The following TAS1R2 variants were observed in gnomAD, a reference collection of about 807,000 sequenced individuals.
The protein encoded by TAS1R2 is taste 1 receptor member 2, also known as taste receptor type 1 member 2.
TAS1R2 carries 47 observed loss-of-function variants against 49.3 expected under a neutral mutation model. The ratio of observed to expected loss-of-function variants is 0.95; its 90% CI spans 0.75 to 1.22. The LOEUF (loss-of-function observed/expected upper bound fraction) is 1.22. Ranked by LOEUF, TAS1R2 falls within the 50% of genes most tolerant of loss-of-function variation. The probability of loss-of-function intolerance (pLI) is 0.00; values close to 1 mark genes in which losing one functional copy is unlikely to be tolerated. For missense variants in TAS1R2, 1,155 were observed against 1,122.1 expected (o/e 1.03, Z -0.42); for synonymous variants, 479 against 467.9 (o/e 1.02, Z -0.31).
chr1:18,856,896 A>G (rs1288437049), intron 2 of TAS1R2, among the ~76,000 whole-genome samples: 1 of 152,256 alleles, frequency 6.6e-6, no homozygotes, highest in Non-Finnish European at 1.5e-5. Flanking sequence ...GCAGCTGTAC[A>G]GAATAATACT....
At chr1:18,855,069 T>C in intron 2 of TAS1R2, 83 bp from the exon 3 acceptor site, 3 of 1,529,654 alleles carry the variant, frequency 2.0e-6, no homozygotes, top group Non-Finnish European at 2.7e-6. Flanking sequence ...ACCATCATCA[T>C]CTGGGAAGCA....
At chr1:18,839,800 G>A (rs12033832) in exon 6 of TAS1R2, 532,845 of 1,613,942 alleles carry the variant, frequency 0.33, 90,178 homozygotes, top group East Asian at 0.46. Context: ...AGAGGGAGAC[G>A]GATGAGGTGA....
chr1:18,846,612 T>C (rs1031233811), intron 4 of TAS1R2, among the ~76,000 whole-genome samples: 1 of 152,128 alleles, frequency 6.6e-6, no homozygotes, highest in Non-Finnish European at 1.5e-5. Context: ...CATTAAGAAA[T>C]AGGGTCACTG....
At chr1:18,857,715 C>T in intron 1 of TAS1R2, 84 bp from the exon 2 acceptor site, 1 of 1,470,884 alleles carries the variant, frequency 6.8e-7, no homozygotes, top group Non-Finnish European at 9.1e-7. Flanking sequence ...CTCCTCCTTC[C>T]TGCCACAGGA....
At chr1:18,841,738 G>T (rs750694082) in exon 5 of TAS1R2, 2 of 1,613,632 alleles carry the variant, frequency 1.2e-6, no homozygotes, top group South Asian at 1.1e-5. Flanking sequence ...CCTTCAGTGT[G>T]GTTGAGGAAG....
At chr1:18,841,249 C>T (rs987751856) in intron 5 of TAS1R2, among the ~76,000 whole-genome samples, 1 of 152,194 alleles carries the variant, frequency 6.6e-6, no homozygotes, top group Non-Finnish European at 1.5e-5. Flanking sequence ...TTCTTCTCAT[C>T]AAGGAAGTCA....
At chr1:18,848,051 A>G (rs772973592) in intron 4 of TAS1R2, among the ~76,000 whole-genome samples, 10 of 152,168 alleles carry the variant, frequency 6.6e-5, no homozygotes, top group Admixed American at 6.5e-5. Context: ...CTCACACTGG[A>G]TCCCTCTCAC....
intron 4 of TAS1R2, among the ~76,000 whole-genome samples, chr1:18,845,580 A>T (rs1216591625): frequency 6.6e-6 from 1 of 152,238 alleles, no homozygotes; most frequent in Non-Finnish European, 1.5e-5. Context: ...TACGATTACC[A>T]TGTGGTCATT....
Position 18,854,722 on chromosome 1 carries a change from T to C in TAS1R2, c.748A>G (p.Thr250Ala), listed in dbSNP as rs1225240004. 12 of 1,613,066 alleles carry C rather than the reference T, an allele frequency of 7.4e-6. No individual in the cohort carries two copies. Among genetic ancestry groups the C allele is most frequent in the South Asian group, 4.4e-5 (4 of 91,050 alleles). ...ACCAGGCGCTGGCGCTCCTCTGACG[T>C]CATGTTCTGGTTGGGCTGCAGTGTG... The change falls in exon 3 of 6, where the codon ACG (threonine) becomes GCG (alanine). Residue 250 changes from threonine to alanine, a missense_variant. By Grantham distance (58) the Thr-to-Ala change is moderately conservative (BLOSUM62 0). Coordinates refer to ENST00000375371, the Ensembl canonical transcript of TAS1R2. The surrounding 1 kb of genome is among the most constrained non-coding windows in gnomAD (Gnocchi z 4.9).
chr1:18,858,741 C>G (rs1329087393), intron 1 of TAS1R2, among the ~76,000 whole-genome samples: 1 of 152,186 alleles, frequency 6.6e-6, no homozygotes, highest in African/African-American at 2.4e-5. Flanking sequence ...CATTAGAAAA[C>G]CCAGCATCAT....
rs193167951 is a variant in TAS1R2, at chr1:18,843,407, A to C, written c.1468-1555T>G. 4.6e-5 allele frequency among the ~76,000 whole-genome samples: 7 copies of C among 152,316 alleles called. No individual in the cohort carries two copies. The East Asian group carries it at 1.3e-3, about 29-fold the overall frequency. On this transcript the variant is annotated intron_variant, in intron 4 of 5. Coordinates refer to ENST00000375371, the Ensembl canonical transcript of TAS1R2. The stretch of plus-strand genomic sequence containing the variant: ...AGAATGCCAGGACATCCATTCTAAG[A>C]TAATAGACAAGTCATCCACCCTACA...
rs533637502 is a variant in TAS1R2 at position 18,841,985 on chromosome 1, A to G, written c.1468-133T>C. The G allele has an allele frequency of 8.1e-3, 4,722 of 579,694 alleles. 30 individuals are homozygous for G. Among genetic ancestry groups the G allele is most frequent in the Admixed American group, 0.012 (185 of 15,232 alleles). 35.9% of individuals were successfully genotyped at this position (579,694 alleles called of 1,614,324 possible). The stretch of plus-strand genomic sequence containing the variant: ...CTAGGTTTTGGGGTGGAAACTGTAG[A>G]AAAAAAAAAAAAAACTCTCATGCTT... On this transcript the variant is annotated intron_variant, in intron 4 of 5. Coordinates refer to ENST00000375371, the Ensembl canonical transcript of TAS1R2.
intron 4 of TAS1R2, among the ~76,000 whole-genome samples, chr1:18,847,919 T>C (rs1020695768): frequency 1.3e-5 from 2 of 152,224 alleles, no homozygotes; most frequent in Admixed American, 6.5e-5. Context: ...CTTAAATGGA[T>C]AGCAGCAAGC....
chr1:18,859,641 G>A (rs1934206008), exon 1 of TAS1R2: 2 of 1,614,240 alleles, frequency 1.2e-6, no homozygotes, highest in Non-Finnish European at 1.7e-6. Flanking sequence ...GGAGGAGATG[G>A]TCTTTGCCCT....
In TAS1R2 at chr1:18,854,049, G is replaced by A. The variant is rs771064673; in HGVS notation, c.1257+164C>T. On this transcript the variant is annotated intron_variant, in intron 3 of 5. Transcript: ENST00000375371. This position sits in a 1 kb window ranked among gnomAD's most constrained non-coding sequence, Gnocchi z 4.9. The stretch of plus-strand genomic sequence containing the variant: ...AACAGACTACTATCTTGAATGGTGA[G>A]TGTTCAATTAATTTAAAAAGCAATT... Among the ~76,000 whole-genome samples, 7 of 152,224 alleles carry A rather than the reference G, an allele frequency of 4.6e-5. No individual in the cohort carries two copies. Among genetic ancestry groups the A allele is most frequent in the Non-Finnish European group, 8.8e-5 (6 of 68,050 alleles).
exon 2 of TAS1R2, chr1:18,857,457 G>T: frequency 1.2e-6 from 2 of 1,614,228 alleles, no homozygotes; most frequent in Non-Finnish European, 1.7e-6. Flanking sequence ...GAAGGAGGTT[G>T]TCCTCGTGTG....
exon 5 of TAS1R2, chr1:18,841,839 A>T: frequency 6.2e-7 from 1 of 1,611,022 alleles, no homozygotes; most frequent in South Asian, 1.1e-5. Flanking sequence ...CTTGGAACAC[A>T]TGGACATAGG....
chr1:18,854,767 C>T lies in TAS1R2; in HGVS notation c.703G>A (p.Ala235Thr), dbSNP rs371743265. 10 of 1,609,326 alleles carry T rather than the reference C, an allele frequency of 6.2e-6. No homozygotes were observed. The highest frequency in any genetic ancestry group is 1.6e-4 in the Middle Eastern group (1 of 6,078). Residue 235 changes from alanine (A) to threonine (T), a missense_variant, in exon 3 of 6, where the codon GCC (alanine) becomes ACC (threonine). Transcript: ENST00000375371. This position sits in a 1 kb window ranked among gnomAD's most constrained non-coding sequence, Gnocchi z 4.9. The stretch of plus-strand genomic sequence containing the variant: ...AGTGTGGGCAGCGTCTCCTGGAAGG[C>T]GATGCAGATGTCGCGCCGGGCCACG...
At chr1:18,846,125 T>G (rs1213261144) in intron 4 of TAS1R2, among the ~76,000 whole-genome samples, 2 of 152,160 alleles carry the variant, frequency 1.3e-5, no homozygotes. Context: ...CAGTCACCAG[T>G]TTCAAGCAAG....
Sources: allele counts gnomAD v4.1 joint callset (sites outside exome capture counted in the v4.1 genomes callset), GRCh38; gene constraint gnomAD v4.1.1; non-coding constraint Gnocchi (gnomAD v3.1); transcripts MANE v1.5; gene names NCBI Gene and HGNC (gene_info 2026-07-23, HGNC 2026-07-21).